Variants in FAM186A observed in about 807,000 individuals in gnomAD.
FAM186A encodes the protein protein FAM186A.
FAM186A carries 163 observed loss-of-function variants against 216.8 expected under a neutral mutation model. The observed-to-expected ratio is 0.75, with a 90% CI of 0.66 to 0.86. FAM186A has a LOEUF of 0.86. Among genes scored for constraint, FAM186A ranks in the 40% least tolerant of loss-of-function variants. The pLI is 0.00. For synonymous variants in FAM186A, 805 were observed against 1,025.3 expected, an observed-to-expected ratio of 0.79 and a Z score of 4.10; for missense variants, 2,184 against 2,746.2, an observed-to-expected ratio of 0.80 and a Z score of 4.58.
chr12:50,331,804 T>C lies in FAM186A; in HGVS notation c.6714A>G (p.Glu2238=), dbSNP rs532380094. The part of the protein sequence containing the change: ...HVFNQLKKIH[E]LNLSQPIPLI... ...AGGGGATAGGTTGACTAAGATTCAA[T>C]TCATGTATCTTTTTGAGCTATAAAA... Residue 2238 remains glutamate, a synonymous_variant, in exon 6 of 8, where the codon GAA becomes GAG. Transcript: ENST00000327337. The C allele has an allele frequency of 5.9e-6, 9 of 1,528,202 alleles. No homozygotes were observed. The African/African-American group carries it at 9.8e-5, about 17-fold the overall frequency. The allele number at this position is 1,528,202 out of a possible 1,614,324, so 94.7% of individuals were successfully genotyped here.
At chr12:50,395,605 C>T (rs964668297) in intron 1 of FAM186A, among the ~76,000 whole-genome samples, 4 of 152,096 alleles carry the variant, frequency 2.6e-5, no homozygotes, top group East Asian at 1.9e-4. Context: ...CCACCGCACC[C>T]GGCTGACATT....
intron 1 of FAM186A, among the ~76,000 whole-genome samples, chr12:50,372,655 C>T (rs1161613612): frequency 1.3e-5 from 2 of 150,378 alleles, no homozygotes; most frequent in Admixed American, 1.3e-4. Flanking sequence ...AATCCCAGCA[C>T]TTTGGGAGGC....
chr12:50,396,079 T>C (rs945718597), intron 1 of FAM186A, among the ~76,000 whole-genome samples: 1 of 152,182 alleles, frequency 6.6e-6, no homozygotes, highest in Non-Finnish European at 1.5e-5. Context: ...ATTTCTTAAA[T>C]GGCTTTATTA....
chr12:50,385,411 CTGTCT>C (rs1943293117), intron 1 of FAM186A, among the ~76,000 whole-genome samples: 1 of 132,612 alleles, frequency 7.5e-6, no homozygotes, highest in Admixed American at 7.9e-5. Flanking sequence ...GAGCAAGACT[CTGTCT>C]CAAAAAAAAA....
Position 50,351,881 on chromosome 12 carries a change from T to G in FAM186A, c.4951A>C (p.Ile1651Leu). 6.5e-7 allele frequency: 1 copy of G among 1,545,168 alleles called. No homozygotes were observed. ...PQQAQALGVP[I>L]TPVNAWVSAV... ...GACACCCAGGCATTTACTGGGGTGA[T>G]GGGGACTCCCAGTGCCTGGGCCTGC... Residue 1651 changes from isoleucine to leucine, a missense_variant, in exon 4 of 8, where the codon ATC (isoleucine) becomes CTC (leucine). Ile to Leu is a conservative substitution (Grantham distance 5). This residue lies in a region of FAM186A where 26 missense variants were observed against 44.5 expected (regional missense o/e 0.58). Coordinates refer to ENST00000327337, the MANE Select transcript of FAM186A (RefSeq NM_001145475.3).
intron 4 of FAM186A, among the ~76,000 whole-genome samples, chr12:50,337,898 A>C (rs1477876863): frequency 2.8e-5 from 3 of 109,048 alleles, no homozygotes; most frequent in Non-Finnish European, 2.1e-5. Context: ...TCGTCTAAAA[A>C]CAAACAAACA....
chr12:50,363,586 G>A (rs1943058029), intron 1 of FAM186A, among the ~76,000 whole-genome samples: 1 of 151,806 alleles, frequency 6.6e-6, no homozygotes, highest in Non-Finnish European at 1.5e-5. Context: ...AAAGAGCATT[G>A]GGTTTGAAGC....
At chr12:50,389,021 C>A (rs1043713359) in intron 1 of FAM186A, among the ~76,000 whole-genome samples, 10 of 151,268 alleles carry the variant, frequency 6.6e-5, no homozygotes, top group Admixed American at 6.6e-4. Context: ...TGCCACTACA[C>A]TCCAGCCTGG....
chr12:50,383,405 G>C (rs563074367), intron 1 of FAM186A, among the ~76,000 whole-genome samples: 1 of 151,880 alleles, frequency 6.6e-6, no homozygotes, highest in Non-Finnish European at 1.5e-5. Context: ...GACCAGCCTG[G>C]CCAACATGGT....
Position 50,353,435 on chromosome 12 carries a change from TC to T in FAM186A, c.3396del (p.Ile1133SerfsTer35). 1 of 1,526,230 alleles carries T rather than the reference TC, an allele frequency of 6.6e-7. No homozygotes were observed. The highest frequency in any genetic ancestry group is 8.8e-7 in the Non-Finnish European group (1 of 1,135,958). The allele number at this position is 1,526,230 out of a possible 1,614,324, so 94.5% of individuals were successfully genotyped here. On this transcript the variant is annotated frameshift_variant, in exon 4 of 8. Coordinates refer to ENST00000327337, the MANE Select transcript of FAM186A (RefSeq NM_001145475.3). LOFTEE classifies it high-confidence loss of function. ...LFTPQQAQALGIPLTPQQTQV... is the reference protein window; with the variant it reads ...LFTPQQAQALXIPLTPQQTQV... ...TGGGTCTGCTGAGGGGTGAGAGGGA[TC>T]CCCAGGGCCTGCGCCTGCTGAGGGG...
At chr12:50,328,011 G>A (rs993795019) in intron 7 of FAM186A, among the ~76,000 whole-genome samples, 2 of 152,066 alleles carry the variant, frequency 1.3e-5, no homozygotes. Context: ...TATTTCCAAG[G>A]ATAGACCTGT....
chr12:50,331,322 C>A (rs749430697), intron 6 of FAM186A, among the ~76,000 whole-genome samples: 1 of 152,206 alleles, frequency 6.6e-6, no homozygotes, highest in Non-Finnish European at 1.5e-5. Context: ...TCACCGCAAC[C>A]TCTGCCACCC....
chr12:50,351,276 G>A lies in FAM186A; in HGVS notation c.5556C>T (p.Leu1852=), dbSNP rs1942875943. 2 of 1,549,716 alleles carry A rather than the reference G, an allele frequency of 1.3e-6. No homozygotes were observed. The highest frequency in any genetic ancestry group is 2.4e-5 in the East Asian group (1 of 40,920). The change falls in exon 4 of 8, where the codon CTC becomes CTT. Residue 1852 remains leucine, a synonymous_variant. Transcript: ENST00000327337. ...GCTGCCCAGGAGAAAGAGGAGCCCA[G>A]AGACTTGGAATCTGTCCAGAAGTGG... ...VPPTSGQIPS[L]WAPLSPGQPL...
At chr12:50,373,008 AAAGAAAGAAAGAAAG>A (rs1943159326) in intron 1 of FAM186A, among the ~76,000 whole-genome samples, 1 of 93,142 alleles carries the variant, frequency 1.1e-5, no homozygotes, top group African/African-American at 4.6e-5. Flanking sequence ...TGAAAGAAAG[AAAGAAAGAAAGAAAG>A]AAAGAAAGAA....
At chr12:50,340,610 C>T (rs186717000) in intron 4 of FAM186A, among the ~76,000 whole-genome samples, 2 of 150,666 alleles carry the variant, frequency 1.3e-5, no homozygotes, top group Admixed American at 6.7e-5. Context: ...AGGAGTTTGG[C>T]GTTATGGTGA....
intron 1 of FAM186A, among the ~76,000 whole-genome samples, chr12:50,374,044 C>G (rs994418066): frequency 6.6e-6 from 1 of 150,954 alleles, no homozygotes; most frequent in Non-Finnish European, 1.5e-5. Flanking sequence ...AGTAAACTAT[C>G]GCAAGAACAA....
chr12:50,379,736 A>T (rs938291701), intron 1 of FAM186A, among the ~76,000 whole-genome samples: 5 of 152,234 alleles, frequency 3.3e-5, no homozygotes, highest in African/African-American at 1.2e-4. Context: ...CAGTGAGCCA[A>T]GATCGCGCCA....
chr12:50,361,238 GC>G (rs1943031875), intron 2 of FAM186A, among the ~76,000 whole-genome samples: 1 of 152,116 alleles, frequency 6.6e-6, no homozygotes, highest in South Asian at 2.1e-4. Flanking sequence ...TTGCTTTGTT[GC>G]CTAGGCTGGA....
intron 1 of FAM186A, among the ~76,000 whole-genome samples, chr12:50,386,913 C>G (rs985139435): frequency 3.3e-5 from 5 of 151,862 alleles, no homozygotes; most frequent in African/African-American, 1.2e-4. Context: ...GATTTCATCC[C>G]AGATGGATAT....
Sources: gnomAD v4.1 joint callset for allele counts (sites outside exome capture counted in the v4.1 genomes callset) on GRCh38, gnomAD v4.1.1 for gene constraint, gnomAD v4.1.1 regional missense constraint, MANE v1.5 for transcripts, NCBI Gene and HGNC (gene_info 2026-07-23, HGNC 2026-07-21) for gene names.